The following ARMH4 variants were observed in gnomAD, a reference collection of about 807,000 sequenced individuals.
ARMH4 encodes the protein armadillo-like helical domain-containing protein 4.
Under a neutral mutation model 61.9 loss-of-function variants are expected in ARMH4, and 49 were observed. That is an observed-to-expected ratio of 0.79 (90% confidence interval 0.63 to 1.00). The LOEUF (loss-of-function observed/expected upper bound fraction) is 1.00. Among genes scored for constraint, ARMH4 ranks in the 50% least tolerant of loss-of-function variants. The pLI, the probability that ARMH4 is intolerant of heterozygous loss-of-function variation, is 0.00. For synonymous variants in ARMH4, 368 were observed against 341.5 expected (o/e 1.08, Z -0.85); for missense variants, 934 against 930.0 (o/e 1.00, Z -0.06).
chr14:58,149,095 A>G (rs546886498), intron 1 of ARMH4, among the ~76,000 whole-genome samples: 51 of 152,210 alleles, frequency 3.4e-4, no homozygotes, highest in Non-Finnish European at 6.6e-4. Context: ...TTAATTTATC[A>G]TTGTCTTACT....
In ARMH4 at chr14:58,012,551, T is replaced by C. The variant is rs17094210; in HGVS notation, c.2090-401A>G. Among the ~76,000 whole-genome samples the C allele has an allele frequency of 5.0e-3, 766 of 152,248 alleles. 5 individuals are homozygous for C. The highest frequency in any genetic ancestry group is 0.017 in the African/African-American group (695 of 41,542). On this transcript the variant is annotated intron_variant, in intron 5 of 7. Coordinates refer to ENST00000267485, the MANE Select transcript of ARMH4 (RefSeq NM_001001872.4). ...TGGGAATGCTGCGCTTGAATCAATATCAGAGGGCAGAGATTAAGGGAGGAA... is the reference window on the plus strand; with the variant it reads ...TGGGAATGCTGCGCTTGAATCAATACCAGAGGGCAGAGATTAAGGGAGGAA...
At chr14:58,091,221 A>G (rs1885555433) in intron 5 of ARMH4, among the ~76,000 whole-genome samples, 1 of 152,178 alleles carries the variant, frequency 6.6e-6, no homozygotes, top group Admixed American at 6.5e-5. Flanking sequence ...CACAAAAAAA[A>G]AAGGAAAGAA....
intron 5 of ARMH4, among the ~76,000 whole-genome samples, chr14:58,048,493 C>T (rs374301762): frequency 5.9e-5 from 9 of 152,176 alleles, no homozygotes; most frequent in African/African-American, 1.7e-4. Flanking sequence ...GAGGCATTCC[C>T]GTAACACTGA....
chr14:58,043,303 T>C (rs200487107), intron 5 of ARMH4, among the ~76,000 whole-genome samples: 20,885 of 150,914 alleles, frequency 0.14, 1,974 homozygotes, highest in East Asian at 0.48. Context: ...GTTCAACAGA[T>C]GCAAATCAAT....
At position 58,134,814 on chromosome 14, in the gene ARMH4, G is replaced by T. The variant is rs563778778; in HGVS notation, c.1370-1473C>A. ...TACTAAAAACACAACAAAATTAGCT[G>T]GGCATAGTGGCACATTCCTGTCATC... On this transcript the variant is annotated intron_variant, in intron 2 of 7. Coordinates refer to ENST00000267485, the MANE Select transcript of ARMH4 (RefSeq NM_001001872.4). Among the ~76,000 whole-genome samples, 5 of 151,940 alleles carry T rather than the reference G, an allele frequency of 3.3e-5. No individual in the cohort carries two copies. The East Asian group carries it at 9.7e-4, about 29-fold the overall frequency.
At chr14:58,090,570 GC>G (rs1315378305) in intron 5 of ARMH4, among the ~76,000 whole-genome samples, 1 of 152,004 alleles carries the variant, frequency 6.6e-6, no homozygotes, top group Non-Finnish European at 1.5e-5. Flanking sequence ...TCGAAAGGCT[GC>G]CTCTCTCTTA....
intron 3 of ARMH4, among the ~76,000 whole-genome samples, chr14:58,132,728 G>A (rs1021115298): frequency 1.3e-5 from 2 of 151,932 alleles, no homozygotes; most frequent in African/African-American, 4.8e-5. Flanking sequence ...TCGGACTACA[G>A]GCGCCCGCCA....
intron 5 of ARMH4, among the ~76,000 whole-genome samples, chr14:58,049,868 G>A (rs371833486): frequency 5.9e-5 from 9 of 152,208 alleles, no homozygotes; most frequent in Admixed American, 3.3e-4. Flanking sequence ...CTCACAACCC[G>A]GGCACCTCCA....
chr14:58,138,129 G>A lies in ARMH4; in HGVS notation c.1230C>T (p.Ser410=). The A allele has an allele frequency of 6.2e-7, 1 of 1,614,190 alleles. No homozygotes were observed. Residue 410 remains serine, a synonymous_variant, in exon 2 of 8, where the codon TCC becomes TCT. Transcript: ENST00000267485. ...CCGTACTTTGGAGCAAGTTCACAAT[G>A]GAAACTTTCATGTCTTCCATCAGAC... ...PTSLMEDMKV[S]IVNLLQSTGD...
At chr14:58,068,042 C>T (rs554114284) in intron 5 of ARMH4, among the ~76,000 whole-genome samples, 2 of 152,198 alleles carry the variant, frequency 1.3e-5, no homozygotes, top group South Asian at 2.1e-4. Flanking sequence ...AGGATGATAA[C>T]GGATGTGACA....
chr14:58,108,547 C>A (rs190499884), intron 4 of ARMH4, among the ~76,000 whole-genome samples: 50 of 152,312 alleles, frequency 3.3e-4, no homozygotes, highest in Middle Eastern at 3.4e-3. Context: ...AAGTTTCACA[C>A]ATCTTGTTGT....
chr14:58,047,607 C>A (rs867409916), intron 5 of ARMH4, among the ~76,000 whole-genome samples: 7 of 152,210 alleles, frequency 4.6e-5, no homozygotes, highest in Non-Finnish European at 8.8e-5. Context: ...GGATTTGAAC[C>A]CAAGGAGACT....
intron 1 of ARMH4, among the ~76,000 whole-genome samples, chr14:58,143,023 G>A (rs755168552): frequency 4.6e-5 from 7 of 152,210 alleles, no homozygotes; most frequent in Non-Finnish European, 7.3e-5. Context: ...CAACCCTTCA[G>A]ATGACTGCAC....
intron 4 of ARMH4, among the ~76,000 whole-genome samples, chr14:58,098,108 G>A (rs1885820898): frequency 6.6e-6 from 1 of 151,980 alleles, no homozygotes; most frequent in Non-Finnish European, 1.5e-5. Flanking sequence ...CTCCTCCTAT[G>A]GTGGAGAAAA....
At chr14:58,022,610 C>T (rs948371272) in intron 5 of ARMH4, among the ~76,000 whole-genome samples, 1 of 152,170 alleles carries the variant, frequency 6.6e-6, no homozygotes, top group Non-Finnish European at 1.5e-5. Context: ...CTCCCCACCT[C>T]ACTTCCTCAC....
chr14:58,122,555 T>C (rs1304877347), intron 4 of ARMH4, among the ~76,000 whole-genome samples: 4 of 152,206 alleles, frequency 2.6e-5, no homozygotes, highest in Admixed American at 6.5e-5. Flanking sequence ...AGAAACCCTA[T>C]TGAACTTAGC....
chr14:58,009,162 G>A (rs1420512465), intron 6 of ARMH4, among the ~76,000 whole-genome samples: 1 of 152,138 alleles, frequency 6.6e-6, no homozygotes, highest in East Asian at 1.9e-4. Flanking sequence ...TTGCCTGCTG[G>A]GAAGCTGGGT....
At chr14:58,019,625 T>C (rs1271768332) in intron 5 of ARMH4, among the ~76,000 whole-genome samples, 3 of 151,350 alleles carry the variant, frequency 2.0e-5, no homozygotes, top group Non-Finnish European at 4.4e-5. Context: ...ACCCCGTCTC[T>C]ACTAAAAATA....
chr14:58,022,866 G>T (rs1458316699), intron 5 of ARMH4, among the ~76,000 whole-genome samples: 1 of 152,174 alleles, frequency 6.6e-6, no homozygotes, highest in Admixed American at 6.5e-5. Context: ...AGCAAATGCT[G>T]CAATAAGATA....
Sources: gnomAD v4.1 joint callset for allele counts (sites outside exome capture counted in the v4.1 genomes callset) on GRCh38, gnomAD v4.1.1 for gene constraint, MANE v1.5 for transcripts, NCBI Gene and HGNC (gene_info 2026-07-23, HGNC 2026-07-21) for gene names.